The following ARID2 variants were observed in gnomAD, a reference collection of about 807,000 sequenced individuals.
The protein encoded by ARID2 is AT-rich interaction domain 2.
A neutral mutation model predicts 184.6 loss-of-function variants in ARID2; 32 were observed. That is an observed-to-expected ratio of 0.17 (90% CI 0.13 to 0.23). ARID2 has a LOEUF of 0.23. Ranked by LOEUF, ARID2 falls within the 10% of genes least tolerant of loss-of-function variation. The pLI is 1.00. For missense variants in ARID2, 1,696 were observed against 2,197.6 expected (o/e 0.77, Z 4.56); for synonymous variants, 836 against 772.6 (o/e 1.08, Z -1.36).
At chr12:45,893,753 ATTTAG>A (rs1282820018) in intron 20 of ARID2, 32 bp downstream of exon 20, 5 of 1,440,156 alleles carry the variant, frequency 3.5e-6, no homozygotes, top group Admixed American at 2.3e-5. Flanking sequence ...GCCAAAGTGA[ATTTAG>A]TTTATTTTAT....
chr12:45,894,345 C>T (rs529826389), intron 20 of ARID2, among the ~76,000 whole-genome samples: 30 of 152,270 alleles, frequency 2.0e-4, no homozygotes, highest in Middle Eastern at 3.4e-3. Context: ...CGCCTCTCTG[C>T]GAAATTGTCC....
intron 16 of ARID2, among the ~76,000 whole-genome samples, chr12:45,891,429 T>TA (rs571851061): frequency 6.6e-6 from 1 of 152,232 alleles, no homozygotes; most frequent in South Asian, 2.1e-4. Flanking sequence ...AAGGCAGACT[T>TA]ACTAAAACTT....
In ARID2 at chr12:45,837,302, GTGT is replaced by G; in HGVS notation, c.1024-14_1024-12del. ...CTGGAAGAAGCATAGCTCAATAATA[GTGT>G]TGTTTCTTTTTCCAGCTTTTACTGG... is the stretch of plus-strand genomic sequence containing the variant. On this transcript the variant is annotated splice_polypyrimidine_tract_variant and intron_variant, in intron 8 of 20. Coordinates refer to ENST00000334344, the MANE Select transcript of ARID2 (RefSeq NM_152641.4). 3 of 1,565,764 alleles carry G rather than the reference GTGT, an allele frequency of 1.9e-6. No homozygotes were observed. The highest frequency in any genetic ancestry group is 2.6e-6 in the Non-Finnish European group (3 of 1,149,672).
In ARID2 at chr12:45,891,828, T is replaced by C. The variant is rs1944305486; in HGVS notation, c.4971T>C (p.His1657=). 2 of 1,614,204 alleles carry C rather than the reference T, an allele frequency of 1.2e-6. No individual in the cohort carries two copies. The highest frequency in any genetic ancestry group is 1.3e-5 in the African/African-American group (1 of 75,058). The change falls in exon 17 of 21, where the codon CAT becomes CAC. Residue 1657 remains histidine, a synonymous_variant. Coordinates refer to ENST00000334344, the MANE Select transcript of ARID2 (RefSeq NM_152641.4). ...SQVFYHAATE[H]GGKDVYPGQC... is the part of the protein sequence containing the mutation. ...TTTTCTACCATGCAGCAACTGAACA[T>C]GGAGGAAAAGATGTATATCCAGGGC...
intron 15 of ARID2, among the ~76,000 whole-genome samples, chr12:45,859,694 A>G (rs1943709753): frequency 6.6e-6 from 1 of 152,184 alleles, no homozygotes; most frequent in Non-Finnish European, 1.5e-5. Context: ...AAAGAAAAAA[A>G]TTATAGGATA....
intron 3 of ARID2, among the ~76,000 whole-genome samples, chr12:45,783,090 C>T (rs143407582): frequency 7.5e-4 from 114 of 151,680 alleles, no homozygotes; most frequent in Admixed American, 1.2e-3. Context: ...GCCAAGATCA[C>T]GCCACTTTAC....
At chr12:45,771,132 C>A (rs949022172) in intron 3 of ARID2, among the ~76,000 whole-genome samples, 2 of 152,158 alleles carry the variant, frequency 1.3e-5, no homozygotes, top group Non-Finnish European at 2.9e-5. Flanking sequence ...ATGCATATTT[C>A]TTTTCCATTT....
Position 45,852,294 on chromosome 12 carries a change from T to C in ARID2, c.4171T>C (p.Ser1391Pro), listed in dbSNP as rs373883601. The change falls in exon 15 of 21, where the codon TCT becomes CCT. Residue 1391 changes from serine (S) to proline (P), a missense_variant. Transcript: ENST00000334344. ...CAATCATGTAGGAAATGGTGAGATA[T>C]CTCCAATGGAACCACAAGGGACTTT... is the stretch of plus-strand genomic sequence containing the variant. ...TSNHVGNGEISPMEPQGTLDI... is the reference protein window; with the variant it reads ...TSNHVGNGEIPPMEPQGTLDI... 4 of 1,613,980 alleles carry C rather than the reference T, an allele frequency of 2.5e-6. No homozygotes were observed. The highest frequency in any genetic ancestry group is 1.7e-5 in the Admixed American group (1 of 59,988).
At chr12:45,822,753 A>G (rs1321731129) in intron 6 of ARID2, among the ~76,000 whole-genome samples, 3 of 152,174 alleles carry the variant, frequency 2.0e-5, no homozygotes, top group Non-Finnish European at 4.4e-5. Context: ...ATATAATGAA[A>G]CAAGGGATCA....
At position 45,907,621 on chromosome 12, in the gene ARID2, T is replaced by G; in HGVS notation, c.*2543T>G. ...GACTTGCTGTGTAATGGAATTAAAG[T>G]GCTTTTGCACAATAAGTTCTGCAAA... On this transcript the variant is annotated 3_prime_UTR_variant, in exon 21 of 21. Transcript: ENST00000334344. The G allele has an allele frequency of 4.3e-6, 1 of 233,206 alleles. No individual in the cohort carries two copies. The highest frequency in any genetic ancestry group is 8.5e-6 in the Non-Finnish European group (1 of 117,794). The allele number at this position is 233,206 out of a possible 1,614,324, so 14.4% of individuals were successfully genotyped here.
chr12:45,901,429 C>T (rs1049127954), intron 20 of ARID2, among the ~76,000 whole-genome samples: 2 of 151,916 alleles, frequency 1.3e-5, no homozygotes, highest in Non-Finnish European at 2.9e-5. Context: ...CTCAGCCTCC[C>T]AAAGTGCTGG....
At chr12:45,817,411 A>C (rs1942821465) in intron 4 of ARID2, among the ~76,000 whole-genome samples, 1 of 151,980 alleles carries the variant, frequency 6.6e-6, no homozygotes, top group South Asian at 2.1e-4. Flanking sequence ...ATATTTTGGC[A>C]ATGATGGCCA....
chr12:45,868,615 T>C (rs1174296407), intron 16 of ARID2, among the ~76,000 whole-genome samples: 1 of 152,208 alleles, frequency 6.6e-6, no homozygotes, highest in Non-Finnish European at 1.5e-5. Flanking sequence ...TGTAATACAT[T>C]AATATTTTTA....
intron 20 of ARID2, chr12:45,904,212 G>A: frequency 1.8e-6 from 1 of 564,120 alleles, no homozygotes; most frequent in African/African-American, 1.9e-5. Context: ...ATGTGGCTTG[G>A]TTTCACTTAA....
intron 16 of ARID2, among the ~76,000 whole-genome samples, chr12:45,883,394 A>G (rs1944135569): frequency 1.3e-5 from 2 of 151,368 alleles, no homozygotes; most frequent in Non-Finnish European, 2.9e-5. Flanking sequence ...TTGTTATCAA[A>G]TATTTACAAT....
intron 15 of ARID2, among the ~76,000 whole-genome samples, chr12:45,855,150 A>G (rs1008721465): frequency 1.3e-5 from 2 of 152,168 alleles, no homozygotes; most frequent in African/African-American, 4.8e-5. Flanking sequence ...GCTAAAACTC[A>G]TTGGTTATTT....
rs1202497775 is a variant in ARID2, at chr12:45,852,518, A to G, written c.4395A>G (p.Pro1465=). 1 of 1,614,176 alleles carries G rather than the reference A, an allele frequency of 6.2e-7. No individual in the cohort carries two copies. Among genetic ancestry groups the G allele is most frequent in the African/African-American group, 1.3e-5 (1 of 75,054 alleles). ...ATTCAGATGTGCCTCAGCAACGCCC[A>G]AGTGTAGTTGTCTCACCACATTCTA... is the stretch of plus-strand genomic sequence containing the variant. ...SLNSDVPQQR[P]SVVVSPHSTT... The change falls in exon 15 of 21, where the codon CCA becomes CCG. Residue 1465 remains proline (P), a synonymous_variant. Coordinates refer to ENST00000334344, the MANE Select transcript of ARID2 (RefSeq NM_152641.4).
At position 45,850,548 on chromosome 12, in the gene ARID2, C is replaced by A. The variant is rs2138162937; in HGVS notation, c.2425C>A (p.Pro809Thr). Residue 809 changes from proline (P) to threonine (T), a missense_variant, in exon 15 of 21, where the codon CCA becomes ACA. This residue lies in a region of ARID2 where 713 missense variants were observed against 824.4 expected (regional missense o/e 0.86). Coordinates refer to ENST00000334344, the MANE Select transcript of ARID2 (RefSeq NM_152641.4). ...SHMFGRVQNI[P>T]ACTSTVSQGQ... is the part of the protein sequence containing the mutation. The stretch of plus-strand genomic sequence containing the variant: ...TATGTTTGGCAGAGTACAGAACATA[C>A]CAGCATGTACTTCTACAGTTTCACA... 1.2e-6 allele frequency: 2 copies of A among 1,614,084 alleles called. No homozygotes were observed. The highest frequency in any genetic ancestry group is 1.7e-6 in the Non-Finnish European group (2 of 1,179,992).
intron 20 of ARID2, chr12:45,904,420 C>T (rs568417092): frequency 8.2e-5 from 57 of 695,762 alleles, no homozygotes; most frequent in East Asian, 1.4e-4. Flanking sequence ...AGGCTGGGCG[C>T]GGTGGCTCAC....
Sources: allele counts gnomAD v4.1 joint callset (sites outside exome capture counted in the v4.1 genomes callset), GRCh38; gene constraint gnomAD v4.1.1; regional missense constraint gnomAD v4.1.1; transcripts MANE v1.5; gene names NCBI Gene and HGNC (gene_info 2026-07-23, HGNC 2026-07-21).